STRN: variants seen among roughly 807,000 people sequenced by gnomAD.
STRN encodes the protein striatin.
Under a neutral mutation model 96.3 loss-of-function variants are expected in STRN, and 53 were observed. The observed-to-expected ratio is 0.55, with a 90% CI of 0.44 to 0.69. The LOEUF (loss-of-function observed/expected upper bound fraction) is 0.69. Among genes scored for constraint, STRN ranks in the 30% least tolerant of loss-of-function variants. The pLI is 0.00. For synonymous variants in STRN, 428 were observed against 355.9 expected, an observed-to-expected ratio of 1.20 and a Z score of -2.28; for missense variants, 987 against 963.9, an observed-to-expected ratio of 1.02 and a Z score of -0.32.
intron 1 of STRN, among the ~76,000 whole-genome samples, chr2:36,938,719 G>T (rs1216051364): frequency 6.6e-6 from 1 of 151,992 alleles, no homozygotes; most frequent in African/African-American, 2.4e-5. Context: ...TTTAACTATT[G>T]TCCTATCACT....
chr2:36,957,146 G>C (rs1270348694), intron 1 of STRN, among the ~76,000 whole-genome samples: 1 of 152,140 alleles, frequency 6.6e-6, no homozygotes, highest in Non-Finnish European at 1.5e-5. Flanking sequence ...CAGTCTAATA[G>C]GTGATATACC....
chr2:36,888,447 C>A (rs979450963), intron 7 of STRN, among the ~76,000 whole-genome samples: 9 of 152,178 alleles, frequency 5.9e-5, no homozygotes, highest in Non-Finnish European at 1.3e-4. Context: ...TCTGCTCTAG[C>A]CACTCTGGCT....
intron 1 of STRN, among the ~76,000 whole-genome samples, chr2:36,930,002 G>A (rs1457116514): frequency 1.3e-5 from 2 of 152,110 alleles, no homozygotes; most frequent in Admixed American, 6.5e-5. Context: ...TTCAATAATC[G>A]CTTTATGTCT....
chr2:36,839,149 G>C lies in STRN; in HGVS notation c.*10307C>G, dbSNP rs375471000. Among the ~76,000 whole-genome samples, 6 of 152,260 alleles carry C rather than the reference G, an allele frequency of 3.9e-5. No individual in the cohort carries two copies. The highest frequency in any genetic ancestry group is 1.4e-4 in the African/African-American group (6 of 41,554). ...GGGACATGCTTCGTTTTGCCATTAT[G>C]AATCTTTATGCATTGTTTTTTGCAT... On this transcript the variant is annotated 3_prime_UTR_variant, in exon 18 of 18. Coordinates refer to ENST00000263918, the MANE Select transcript of STRN (RefSeq NM_003162.4).
chr2:36,857,539 G>C (rs1192152780), intron 14 of STRN, among the ~76,000 whole-genome samples: 1 of 151,748 alleles, frequency 6.6e-6, no homozygotes, highest in Admixed American at 6.6e-5. Flanking sequence ...TTAGCTGAGC[G>C]TGGTGGTGTG....
At chr2:36,963,283 A>T (rs903755093) in intron 1 of STRN, among the ~76,000 whole-genome samples, 1 of 152,184 alleles carries the variant, frequency 6.6e-6, no homozygotes, top group African/African-American at 2.4e-5. Context: ...CAGGACTGAC[A>T]GGTTCTTGAA....
At chr2:36,958,618 C>T (rs1664951410) in intron 1 of STRN, among the ~76,000 whole-genome samples, 1 of 151,752 alleles carries the variant, frequency 6.6e-6, no homozygotes, top group South Asian at 2.1e-4. Flanking sequence ...AATAAATTAT[C>T]GAGAATAAAG....
chr2:36,907,365 C>A (rs947203000), intron 3 of STRN, among the ~76,000 whole-genome samples: 1 of 152,102 alleles, frequency 6.6e-6, no homozygotes, highest in Non-Finnish European at 1.5e-5. Flanking sequence ...CTGGCTAACG[C>A]GGTGAAATCC....
At chr2:36,912,545 T>C (rs1010704365) in intron 3 of STRN, among the ~76,000 whole-genome samples, 2 of 152,212 alleles carry the variant, frequency 1.3e-5, no homozygotes, top group Admixed American at 1.3e-4. Context: ...GTTAATGTAC[T>C]CTGTATCAGA....
intron 9 of STRN, among the ~76,000 whole-genome samples, chr2:36,883,135 G>T (rs1026096482): frequency 4.6e-5 from 7 of 151,796 alleles, no homozygotes; most frequent in Non-Finnish European, 1.0e-4. Flanking sequence ...TTTTATATAG[G>T]TATATTCTAT....
rs191105090 is a variant in STRN, at chr2:36,896,415, G to T, written c.796-2382C>A. Among the ~76,000 whole-genome samples the T allele has an allele frequency of 2.0e-5, 3 of 152,260 alleles. No homozygotes were observed. The East Asian group carries it at 5.8e-4, about 29-fold the overall frequency. On this transcript the variant is annotated intron_variant, in intron 6 of 17. Coordinates refer to ENST00000263918, the MANE Select transcript of STRN (RefSeq NM_003162.4). ...TTTGGGTAGAGAAGAAAAATGAATT[G>T]TGTTTACCACTGGAGAACAGGATCA... is the stretch of plus-strand genomic sequence containing the variant.
At chr2:36,861,989 T>C (rs771389849) in intron 12 of STRN, among the ~76,000 whole-genome samples, 27 of 152,156 alleles carry the variant, frequency 1.8e-4, no homozygotes, top group Non-Finnish European at 3.8e-4. Flanking sequence ...GTATACTCAA[T>C]GTTTAGTTCT....
chr2:36,881,954 A>C (rs999776922), intron 9 of STRN, among the ~76,000 whole-genome samples: 4 of 152,214 alleles, frequency 2.6e-5, no homozygotes, highest in African/African-American at 4.8e-5. Flanking sequence ...CAACATACCT[A>C]CTAAGGACCA....
intron 6 of STRN, among the ~76,000 whole-genome samples, chr2:36,894,737 T>C (rs768191395): frequency 3.2e-4 from 48 of 152,238 alleles, no homozygotes; most frequent in Admixed American, 6.5e-4. Context: ...GGATCAAATG[T>C]TATCGCTGGG....
At chr2:36,899,751 T>C (rs1264429919) in intron 5 of STRN, 93 bp from the exon 6 acceptor site, 1 of 1,171,434 alleles carries the variant, frequency 8.5e-7, no homozygotes, top group Admixed American at 2.9e-5. Flanking sequence ...TCTATTTATA[T>C]GGTAACTATA....
intron 6 of STRN, among the ~76,000 whole-genome samples, chr2:36,894,407 T>A (rs932491783): frequency 6.6e-6 from 1 of 152,210 alleles, no homozygotes; most frequent in African/African-American, 2.4e-5. Flanking sequence ...AAAATGTTGA[T>A]CTTTCAGAGT....
chr2:36,926,642 A>G (rs1395441462), intron 1 of STRN, among the ~76,000 whole-genome samples: 1 of 152,212 alleles, frequency 6.6e-6, no homozygotes, highest in Non-Finnish European at 1.5e-5. Context: ...CTAGTCTCTT[A>G]TAACTTTCAA....
chr2:36,874,028 G>C (rs1433490609), intron 10 of STRN, among the ~76,000 whole-genome samples: 2 of 151,786 alleles, frequency 1.3e-5, no homozygotes, highest in African/African-American at 4.8e-5. Context: ...GGCTGAGGCG[G>C]GTGGATCACA....
At position 36,849,361 on chromosome 2, in the gene STRN, G is replaced by C. The variant is rs555801331; in HGVS notation, c.*95C>G. On this transcript the variant is annotated 3_prime_UTR_variant, in exon 18 of 18. Transcript: ENST00000263918. ...TCTGTGCTCCTTCAGCAGAACAAAA[G>C]GGCAGGACGAGATGATTCTTGCCCT... 2.3e-5 allele frequency: 32 copies of C among 1,408,358 alleles called. No homozygotes were observed. In the African/African-American group the frequency reaches 4.3e-4, roughly 19 times the overall value. The allele number at this position is 1,408,358 out of a possible 1,614,324, so 87.2% of individuals were successfully genotyped here. A position where few individuals can be genotyped will look rare whatever the true frequency, so the allele number is the denominator to read the frequency against.
Sources: allele counts gnomAD v4.1 joint callset (sites outside exome capture counted in the v4.1 genomes callset), GRCh38; gene constraint gnomAD v4.1.1; transcripts MANE v1.5; gene names NCBI Gene and HGNC (gene_info 2026-07-23, HGNC 2026-07-21).